OSBPL5: variants seen among roughly 807,000 people sequenced by gnomAD.
OSBPL5 encodes the protein oxysterol binding protein like 5.
OSBPL5 carries 71 observed loss-of-function variants against 111.2 expected under a neutral mutation model. The ratio of observed to expected loss-of-function variants is 0.64; its 90% CI spans 0.53 to 0.78. The LOEUF (loss-of-function observed/expected upper bound fraction) is 0.78. Ranked by LOEUF, OSBPL5 falls within the 30% of genes least tolerant of loss-of-function variation. The pLI is 0.00. For missense variants in OSBPL5, 1,210 were observed against 1,189.3 expected (o/e 1.02, Z -0.26); for synonymous variants, 549 against 513.9 (o/e 1.07, Z -0.93).
At chr11:3,101,331 C>CCCAG (rs1322435906) in intron 13 of OSBPL5, among the ~76,000 whole-genome samples, 1 of 152,184 alleles carries the variant, frequency 6.6e-6, no homozygotes, top group African/African-American at 2.4e-5. Flanking sequence ...TGGGGCTGCT[C>CCCAG]AGCCCCAGTC....
chr11:3,090,746 C>A (rs765482704), intron 19 of OSBPL5, 50 bp from the exon 20 acceptor site: 2 of 1,551,666 alleles, frequency 1.3e-6, no homozygotes, highest in East Asian at 2.3e-5. Flanking sequence ...CGCCCCCTGC[C>A]CAGGCCCCAG....
In OSBPL5 at chr11:3,141,922, A is replaced by AT. The variant is rs1376963333; in HGVS notation, c.-21-12754dup. 1.3e-5 allele frequency among the ~76,000 whole-genome samples: 2 copies of AT among 151,540 alleles called. No homozygotes were observed. Among genetic ancestry groups the AT allele is most frequent in the East Asian group, 1.9e-4 (1 of 5,148 alleles). On this transcript the variant is annotated intron_variant, in intron 1 of 21. Transcript: ENST00000263650. The surrounding 1 kb of genome is among the most constrained non-coding windows in gnomAD (Gnocchi z 6.5). ...GTTGCAGTTTCTTTTCTTTCTTTTT[A>AT]TTTTTTTTGAGACGGAGTCTCGCTC...
intron 14 of OSBPL5, among the ~76,000 whole-genome samples, chr11:3,095,209 C>T (rs1313319402): frequency 6.6e-6 from 1 of 150,942 alleles, no homozygotes; most frequent in Non-Finnish European, 1.5e-5. Context: ...GGGAGGTCTC[C>T]AGGCTCCACG....
At chr11:3,088,396 C>T (rs1245479038) in intron 21 of OSBPL5, 53 bp from the exon 22 acceptor site, 3 of 1,459,842 alleles carry the variant, frequency 2.1e-6, no homozygotes, top group Admixed American at 4.8e-5. Context: ...AGCAAGTCCC[C>T]CTCCCACAAG....
chr11:3,151,360 G>T (rs1193906880), intron 1 of OSBPL5, among the ~76,000 whole-genome samples: 1 of 152,180 alleles, frequency 6.6e-6, no homozygotes. Flanking sequence ...AGAGCTGGGA[G>T]CAGGGAAGGG....
Position 3,129,110 on chromosome 11 carries a change from C to T in OSBPL5, c.39G>A (p.Leu13=), listed in dbSNP as rs758054507. 4 of 1,520,880 alleles carry T rather than the reference C, an allele frequency of 2.6e-6. No individual in the cohort carries two copies. Among genetic ancestry groups the T allele is most frequent in the Non-Finnish European group, 3.5e-6 (4 of 1,134,178 alleles). 94.2% of individuals were successfully genotyped at this position (1,520,880 alleles called of 1,614,324 possible). The part of the protein sequence containing the change: ...EEAFLRRRFS[L]CPPSSTPQKV... ...TCTGAGGGGTGGAGGAAGGTGGACA[C>T]AGGGAGAAGCGGCGCCGGAGGAAGG... Residue 13 remains leucine, a synonymous_variant, in exon 2 of 22, where the codon CTG becomes CTA. Transcript: ENST00000263650.
chr11:3,093,714 G>A (rs559077137), intron 16 of OSBPL5, 32 bp downstream of exon 16: 115 of 1,612,488 alleles, frequency 7.1e-5, no homozygotes, highest in African/African-American at 4.0e-4. Context: ...TTGACCGCCC[G>A]GCCGTGCCTG....
chr11:3,105,996 G>C lies in OSBPL5; in HGVS notation c.1059+1267C>G, dbSNP rs545270888. ...TACGGGTGGCCCAGTGTCCACCCCC[G>C]CCCCTCGGCTGTCCCGAGGCCCTTG... is the stretch of plus-strand genomic sequence containing the variant. On this transcript the variant is annotated intron_variant, in intron 9 of 21. Transcript: ENST00000263650. The surrounding 1 kb of genome is among the most constrained non-coding windows in gnomAD (Gnocchi z 5.2). 2.5e-4 allele frequency among the ~76,000 whole-genome samples: 38 copies of C among 151,870 alleles called. No homozygotes were observed. Among genetic ancestry groups the C allele is most frequent in the Non-Finnish European group, 4.4e-4 (30 of 67,926 alleles).
chr11:3,094,381 A>AGCCCCAG lies in OSBPL5; in HGVS notation c.1622-54_1622-48dup, dbSNP rs777463919. 6 of 1,526,618 alleles carry AGCCCCAG rather than the reference A, an allele frequency of 3.9e-6. No homozygotes were observed. The South Asian group carries it at 6.8e-5, about 17-fold the overall frequency. The allele number at this position is 1,526,618 out of a possible 1,614,324, so 94.6% of individuals were successfully genotyped here. A position where few individuals can be genotyped will look rare whatever the true frequency, so the allele number is the denominator to read the frequency against. The stretch of plus-strand genomic sequence containing the variant: ...GGGCCAGGCGGCCCCAGCCCTGCTG[A>AGCCCCAG]GCCCCAGGCCCTGCTGAGTACCGAC... On this transcript the variant is annotated intron_variant, in intron 14 of 21. Coordinates refer to ENST00000263650, the MANE Select transcript of OSBPL5 (RefSeq NM_020896.4).
intron 1 of OSBPL5, among the ~76,000 whole-genome samples, chr11:3,155,479 C>A (rs1229034994): frequency 6.7e-6 from 1 of 149,126 alleles, no homozygotes; most frequent in Non-Finnish European, 1.5e-5. Context: ...TCACTCCCCC[C>A]AGCTTTGCCA....
intron 7 of OSBPL5, among the ~76,000 whole-genome samples, chr11:3,115,361 C>A (rs753699032): frequency 6.6e-6 from 1 of 152,058 alleles, no homozygotes; most frequent in East Asian, 1.9e-4. Context: ...AAAGTCCTTG[C>A]GACATTGAGT....
In OSBPL5 at chr11:3,140,852, G is replaced by A. The variant is rs530587806; in HGVS notation, c.-21-11683C>T. Among the ~76,000 whole-genome samples, 6 of 144,888 alleles carry A rather than the reference G, an allele frequency of 4.1e-5. No homozygotes were observed. Among genetic ancestry groups the A allele is most frequent in the Admixed American group, 1.4e-4 (2 of 14,742 alleles). On this transcript the variant is annotated intron_variant, in intron 1 of 21. Transcript: ENST00000263650. This position sits in a 1 kb window ranked among gnomAD's most constrained non-coding sequence, Gnocchi z 4.5. Reference sequence around the variant, plus strand: ...TGAGGTGCCTACCCCACCCCTACCCGCCCATGCAGAGCTGCAGCTGGTGCT... The same window carrying A: ...TGAGGTGCCTACCCCACCCCTACCCACCCATGCAGAGCTGCAGCTGGTGCT...
rs1847005948 is a variant in OSBPL5, at chr11:3,162,813, TGCCG to T, written c.-22+2399_-22+2402del. ...TCGAGAACAATATTCTTTTCCTTTG[TGCCG>T]GTCACAAGCAGCATGAGGACATCCA... is the stretch of plus-strand genomic sequence containing the variant. On this transcript the variant is annotated intron_variant, in intron 1 of 21. Coordinates refer to ENST00000263650, the MANE Select transcript of OSBPL5 (RefSeq NM_020896.4). This position sits in a 1 kb window ranked among gnomAD's most constrained non-coding sequence, Gnocchi z 8.1. Among the ~76,000 whole-genome samples, 1 of 152,092 alleles carries T rather than the reference TGCCG, an allele frequency of 6.6e-6. No homozygotes were observed. Among genetic ancestry groups the T allele is most frequent in the Non-Finnish European group, 1.5e-5 (1 of 68,028 alleles).
rs1022812802 is a variant in OSBPL5, at chr11:3,130,014, G to A, written c.-21-845C>T. 2.0e-5 allele frequency among the ~76,000 whole-genome samples: 3 copies of A among 151,778 alleles called. No homozygotes were observed. The highest frequency in any genetic ancestry group is 4.4e-5 in the Non-Finnish European group (3 of 67,906). On this transcript the variant is annotated intron_variant, in intron 1 of 21. Coordinates refer to ENST00000263650, the MANE Select transcript of OSBPL5 (RefSeq NM_020896.4). This position sits in a 1 kb window ranked among gnomAD's most constrained non-coding sequence, Gnocchi z 4.5. ...CCTGGAAGGAGAGAGGACAACAGGC[G>A]GTCCCCTCTGTCCTGCTCCCCACCA...
At chr11:3,124,908 G>A (rs915754153) in intron 3 of OSBPL5, among the ~76,000 whole-genome samples, 5 of 152,194 alleles carry the variant, frequency 3.3e-5, no homozygotes, top group African/African-American at 1.2e-4. Flanking sequence ...GGGGCTGTGT[G>A]TATTTGAGGC....
rs1564872666 is a variant in OSBPL5 at position 3,162,180 on chromosome 11, G to A, written c.-22+3036C>T. 2.0e-5 allele frequency among the ~76,000 whole-genome samples: 3 copies of A among 152,140 alleles called. No individual in the cohort carries two copies. Among genetic ancestry groups the A allele is most frequent in the African/African-American group, 7.2e-5 (3 of 41,402 alleles). On this transcript the variant is annotated intron_variant, in intron 1 of 21. Coordinates refer to ENST00000263650, the MANE Select transcript of OSBPL5 (RefSeq NM_020896.4). This position sits in a 1 kb window ranked among gnomAD's most constrained non-coding sequence, Gnocchi z 8.1. ...GCTGGAGAAGGGCTAGGAAGGCCAC[G>A]AAAGGGGAGCCTACTAGGTAGCTGA...
At chr11:3,108,016 A>G in intron 7 of OSBPL5, 71 bp from the exon 8 acceptor site, 1 of 1,531,346 alleles carries the variant, frequency 6.5e-7, no homozygotes. Context: ...AGGGGCCACC[A>G]GGAGGCTCCC....
intron 21 of OSBPL5, 22 bp downstream of exon 21, chr11:3,089,824 G>A (rs1484332427): frequency 6.5e-7 from 1 of 1,549,322 alleles, no homozygotes; most frequent in Non-Finnish European, 8.7e-7. Flanking sequence ...GAGTCTGGAT[G>A]GACACCCTGA....
intron 1 of OSBPL5, among the ~76,000 whole-genome samples, chr11:3,143,136 G>A (rs111577322): frequency 0.016 from 1,488 of 92,248 alleles, 23 homozygotes; most frequent in Non-Finnish European, 0.022. Context: ...GGTGCAGAGG[G>A]GGGCAGAGGA....
Sources: allele counts gnomAD v4.1 joint callset (sites outside exome capture counted in the v4.1 genomes callset), GRCh38; gene constraint gnomAD v4.1.1; non-coding constraint Gnocchi (gnomAD v3.1); transcripts MANE v1.5; gene names NCBI Gene and HGNC (gene_info 2026-07-23, HGNC 2026-07-21).